The following TEKT5 variants were observed in gnomAD, a reference collection of about 807,000 sequenced individuals.
TEKT5 encodes the protein tektin-5.
A neutral mutation model predicts 48.7 loss-of-function variants in TEKT5; 52 were observed. The observed-to-expected ratio is 1.07, with a 90% CI of 0.86 to 1.35. The LOEUF is 1.35. TEKT5 is among the 40% of genes most tolerant of loss of function. The probability of loss-of-function intolerance (pLI) is 0.00; values close to 1 mark genes in which losing one functional copy is unlikely to be tolerated. For synonymous variants in TEKT5, 318 were observed against 267.6 expected, an observed-to-expected ratio of 1.19 and a Z score of -1.84; for missense variants, 831 against 641.6, an observed-to-expected ratio of 1.30 and a Z score of -3.19.
At chr16:10,647,478 A>AG in intron 5 of TEKT5, among the ~76,000 whole-genome samples, 1 of 151,380 alleles carries the variant, frequency 6.6e-6, no homozygotes, top group East Asian at 1.9e-4. Flanking sequence ...TCTCAAAAAA[A>AG]AAAAAAAAAA....
At chr16:10,677,303 G>C (rs2541501) in intron 4 of TEKT5, among the ~76,000 whole-genome samples, 1 of 113,710 alleles carries the variant, frequency 8.8e-6, no homozygotes, top group African/African-American at 5.1e-5. Context: ...TGTTGAGATC[G>C]TCTGGGATTA....
intron 4 of TEKT5, among the ~76,000 whole-genome samples, chr16:10,680,286 A>G (rs1023270060): frequency 6.6e-6 from 1 of 152,238 alleles, no homozygotes; most frequent in Non-Finnish European, 1.5e-5. Context: ...AGATCCAGAA[A>G]GTGACCCCAG....
At position 10,676,005 on chromosome 16, in the gene TEKT5, G is replaced by C. The variant is rs1187021668; in HGVS notation, c.1040C>G (p.Ser347Cys). 6.2e-7 allele frequency: 1 copy of C among 1,614,254 alleles called. No individual in the cohort carries two copies. The highest frequency in any genetic ancestry group is 8.5e-7 in the Non-Finnish European group (1 of 1,180,054). The change falls in exon 5 of 7, where the codon TCT (serine) becomes TGT (cysteine). Residue 347 changes from serine (S) to cysteine (C), a missense_variant. By Grantham distance (112) the Ser-to-Cys change is moderately radical. Transcript: ENST00000283025. ...DTNLAFNARI[S>C]EVTDVKNKLQ... ...CTTATTCTTCACATCCGTCACCTCA[G>C]AGATGCGGGCGTTGAAGGCCAGGTT... is the stretch of plus-strand genomic sequence containing the variant.
chr16:10,648,825 T>A (rs1466596957), intron 5 of TEKT5, among the ~76,000 whole-genome samples: 1 of 152,282 alleles, frequency 6.6e-6, no homozygotes, highest in Non-Finnish European at 1.5e-5. Context: ...GGCCACAGGC[T>A]CAGACTGCAT....
At position 10,676,037 on chromosome 16, in the gene TEKT5, T is replaced by C. The variant is rs1898638734; in HGVS notation, c.1008A>G (p.Thr336=). 1 of 1,614,260 alleles carries C rather than the reference T, an allele frequency of 6.2e-7. No individual in the cohort carries two copies. Among genetic ancestry groups the C allele is most frequent in the East Asian group, 2.2e-5 (1 of 44,892 alleles). The stretch of plus-strand genomic sequence containing the variant: ...GGGCGTTGAAGGCCAGGTTGGTGTC[T>C]GTGAACTGCCTCCACATCTGATCCG... ...TLSDQMWRQF[T]DTNLAFNARI... is the part of the protein sequence containing the mutation. Residue 336 remains threonine (T), a synonymous_variant, in exon 5 of 7, where the codon ACA becomes ACG. Transcript: ENST00000283025.
chr16:10,659,389 A>C (rs1898321136), intron 5 of TEKT5, among the ~76,000 whole-genome samples: 1 of 152,068 alleles, frequency 6.6e-6, no homozygotes, highest in Non-Finnish European at 1.5e-5. Context: ...TTATTTATTT[A>C]CTTATTTTGA....
At chr16:10,672,769 G>A (rs1898569670) in intron 5 of TEKT5, among the ~76,000 whole-genome samples, 1 of 151,958 alleles carries the variant, frequency 6.6e-6, no homozygotes, top group Non-Finnish European at 1.5e-5. Flanking sequence ...CACAAACATG[G>A]TGCCTACTAT....
At chr16:10,693,870 T>C (rs1421596859) in intron 1 of TEKT5, among the ~76,000 whole-genome samples, 1 of 152,126 alleles carries the variant, frequency 6.6e-6, no homozygotes, top group Non-Finnish European at 1.5e-5. Flanking sequence ...CTCAGGAGGC[T>C]GAGGCACGAG....
chr16:10,692,791 T>G (rs1226538268), intron 1 of TEKT5: 2 of 152,232 alleles, frequency 1.3e-5, no homozygotes, highest in Non-Finnish European at 2.9e-5. Flanking sequence ...TGCAGGAACT[T>G]GCAGTATAAA....
chr16:10,638,934 T>C (rs935880157), intron 5 of TEKT5, among the ~76,000 whole-genome samples: 1 of 152,218 alleles, frequency 6.6e-6, no homozygotes, highest in Non-Finnish European at 1.5e-5. Context: ...ATTTGTTCAA[T>C]ACCGTCTACC....
At chr16:10,675,116 G>A (rs1898621529) in intron 5 of TEKT5, among the ~76,000 whole-genome samples, 1 of 152,116 alleles carries the variant, frequency 6.6e-6, no homozygotes, top group Non-Finnish European at 1.5e-5. Context: ...GTGAGCCACT[G>A]TGCTTGGCCT....
intron 5 of TEKT5, among the ~76,000 whole-genome samples, chr16:10,667,404 G>C (rs1898476145): frequency 6.6e-6 from 1 of 152,204 alleles, no homozygotes; most frequent in Non-Finnish European, 1.5e-5. Context: ...ATCGCAGGCA[G>C]CCAACTGTTC....
At chr16:10,655,279 T>G (rs189906857) in intron 5 of TEKT5, among the ~76,000 whole-genome samples, 1 of 152,230 alleles carries the variant, frequency 6.6e-6, no homozygotes, top group Admixed American at 6.5e-5. Context: ...GCTCCCAGTC[T>G]AAACGGAGGG....
At chr16:10,678,888 G>C (rs1247267166) in intron 4 of TEKT5, among the ~76,000 whole-genome samples, 1 of 152,216 alleles carries the variant, frequency 6.6e-6, no homozygotes, top group African/African-American at 2.4e-5. Context: ...TGTCTCAGTA[G>C]GGGGAAGTGC....
intron 6 of TEKT5, among the ~76,000 whole-genome samples, chr16:10,635,207 G>T (rs1897896701): frequency 7.4e-6 from 1 of 134,502 alleles, no homozygotes; most frequent in Middle Eastern, 5.2e-3. Flanking sequence ...TCCTTTCTGG[G>T]CTGGCATGAG....
intron 5 of TEKT5, among the ~76,000 whole-genome samples, chr16:10,675,283 C>A (rs756368105): frequency 2.6e-5 from 4 of 152,154 alleles, no homozygotes; most frequent in Admixed American, 6.5e-5. Flanking sequence ...TTATACGGCT[C>A]CTCATTTTAT....
At chr16:10,652,767 C>A (rs754653051) in intron 5 of TEKT5, among the ~76,000 whole-genome samples, 121 of 3,890 alleles carry the variant, frequency 0.031, 1 homozygote, top group Non-Finnish European at 0.081. Flanking sequence ...CACAGGCAAA[C>A]ACACACACAC....
intron 5 of TEKT5, among the ~76,000 whole-genome samples, chr16:10,666,740 A>T (rs1898464574): frequency 6.6e-6 from 1 of 152,150 alleles, no homozygotes; most frequent in Non-Finnish European, 1.5e-5. Flanking sequence ...AAGTCAATAC[A>T]AGGCGTGAGA....
chr16:10,641,342 C>A (rs1002076393), intron 5 of TEKT5, among the ~76,000 whole-genome samples: 1 of 152,050 alleles, frequency 6.6e-6, no homozygotes, highest in African/African-American at 2.4e-5. Flanking sequence ...GGCTCCTATC[C>A]CCACACTCTC....
Sources: allele counts gnomAD v4.1 joint callset (sites outside exome capture counted in the v4.1 genomes callset), GRCh38; gene constraint gnomAD v4.1.1; transcripts MANE v1.5; gene names NCBI Gene and HGNC (gene_info 2026-07-23, HGNC 2026-07-21).